CORIN: variants seen among roughly 807,000 people sequenced by gnomAD.
The protein encoded by CORIN is atrial natriuretic peptide-converting enzyme.
In CORIN, 117 loss-of-function variants were observed where a neutral mutation model predicts 125.3. The observed-to-expected ratio is 0.93, with a 90% CI of 0.80 to 1.09. The LOEUF (loss-of-function observed/expected upper bound fraction) is 1.09. Among genes scored for constraint, CORIN ranks in the 50% least tolerant of loss-of-function variants. CORIN has a pLI of 0.00. For synonymous variants in CORIN, 450 were observed against 466.4 expected, an observed-to-expected ratio of 0.96 and a Z score of 0.45; for missense variants, 1,253 against 1,306.7, an observed-to-expected ratio of 0.96 and a Z score of 0.63.
intron 6 of CORIN, among the ~76,000 whole-genome samples, chr4:47,691,473 C>T (rs1038005019): frequency 2.0e-5 from 3 of 152,060 alleles, no homozygotes; most frequent in Admixed American, 6.5e-5. Context: ...AGTCGTAAAA[C>T]ACAAATTTCT....
At chr4:47,732,097 A>C (rs1333385375) in intron 5 of CORIN, among the ~76,000 whole-genome samples, 1 of 152,182 alleles carries the variant, frequency 6.6e-6, no homozygotes, top group Non-Finnish European at 1.5e-5. Flanking sequence ...ATATGTGGCT[A>C]TAAGCAAATA....
At chr4:47,731,310 A>G (rs1165581691) in intron 5 of CORIN, among the ~76,000 whole-genome samples, 2 of 152,192 alleles carry the variant, frequency 1.3e-5, no homozygotes, top group South Asian at 2.1e-4. Flanking sequence ...TGCTGCAAGC[A>G]TACATATGCA....
intron 20 of CORIN, among the ~76,000 whole-genome samples, chr4:47,601,743 A>G (rs563893700): frequency 9.2e-5 from 14 of 152,328 alleles, no homozygotes; most frequent in Middle Eastern, 3.4e-3. Context: ...AGGAGTGGTG[A>G]CAGCATGTCT....
chr4:47,806,866 T>C (rs1434927405), intron 2 of CORIN, 37 bp downstream of exon 2: 10 of 1,579,012 alleles, frequency 6.3e-6, no homozygotes, highest in Non-Finnish European at 8.6e-6. Flanking sequence ...TAATTTTCAC[T>C]TTAACTTCAT....
rs139495398 is a variant in CORIN, at chr4:47,832,282, C to G, written c.63+5605G>C. Among the ~76,000 whole-genome samples the G allele has an allele frequency of 3.8e-3, 586 of 152,254 alleles. 4 individuals are homozygous for G. The highest frequency in any genetic ancestry group is 0.013 in the African/African-American group (559 of 41,550). On this transcript the variant is annotated intron_variant, in intron 1 of 21. Coordinates refer to ENST00000273857, the MANE Select transcript of CORIN (RefSeq NM_006587.4). ...ACTTGTCAGTGATTTATACATCAAT[C>G]TGGCCATTTACTATTCAACAAATGC...
intron 3 of CORIN, among the ~76,000 whole-genome samples, chr4:47,772,501 T>C (rs1185579556): frequency 6.6e-6 from 1 of 152,168 alleles, no homozygotes; most frequent in African/African-American, 2.4e-5. Flanking sequence ...CATCCTAGAG[T>C]TATGAATGAA....
intron 2 of CORIN, among the ~76,000 whole-genome samples, chr4:47,799,106 GGTGTGTGTGTGTGTGTGTGTGTGTGTGT>G (rs764434569): frequency 2.1e-5 from 3 of 141,452 alleles, no homozygotes; most frequent in African/African-American, 7.8e-5. Context: ...TATCCCATGG[GGTGTGTGTGTGTGTGTGTGTGTGTGTGT>G]GTGTGTGTGT....
At chr4:47,734,841 T>C (rs1001832611) in intron 5 of CORIN, among the ~76,000 whole-genome samples, 2 of 152,206 alleles carry the variant, frequency 1.3e-5, no homozygotes, top group South Asian at 4.1e-4. Context: ...ACTCCCCCTG[T>C]TCTCACAGTT....
chr4:47,609,147 A>T (rs1180860905), intron 19 of CORIN, among the ~76,000 whole-genome samples: 1 of 152,200 alleles, frequency 6.6e-6, no homozygotes, highest in East Asian at 1.9e-4. Context: ...CTAAATAAAG[A>T]TATACCACAC....
chr4:47,648,543 C>G (rs1479730452), intron 13 of CORIN, among the ~76,000 whole-genome samples: 1 of 152,136 alleles, frequency 6.6e-6, no homozygotes, highest in Non-Finnish European at 1.5e-5. Context: ...CTGACAGAGG[C>G]AGTACCCCCC....
rs928377248 is a variant in CORIN at position 47,594,357 on chromosome 4, G to A, written c.*1364C>T. The A allele has an allele frequency of 6.6e-6, 1 of 152,574 alleles. No homozygotes were observed. Among genetic ancestry groups the A allele is most frequent in the African/African-American group, 2.4e-5 (1 of 41,440 alleles). The allele number at this position is 152,574 out of a possible 1,614,324, so 9.5% of individuals were successfully genotyped here. ...GCTGAGGCAGTCCAGGTTGCTGGTGGAGGTTAGTAGGGAATCCTAGTTGTT... is the reference window on the plus strand; with the variant it reads ...GCTGAGGCAGTCCAGGTTGCTGGTGAAGGTTAGTAGGGAATCCTAGTTGTT... On this transcript the variant is annotated 3_prime_UTR_variant, in exon 22 of 22. Transcript: ENST00000273857.
chr4:47,735,123 T>G (rs61762917), intron 5 of CORIN, among the ~76,000 whole-genome samples: 12 of 152,370 alleles, frequency 7.9e-5, no homozygotes, highest in Non-Finnish European at 1.5e-4. Context: ...GACTGTATTA[T>G]ATAATAAACA....
chr4:47,704,343 A>C (rs559186844), intron 5 of CORIN, among the ~76,000 whole-genome samples: 185 of 152,320 alleles, frequency 1.2e-3, no homozygotes, highest in African/African-American at 4.1e-3. Flanking sequence ...CCAAGCACTC[A>C]GCAGGGAGGG....
At chr4:47,777,566 G>A (rs1351741636) in intron 3 of CORIN, among the ~76,000 whole-genome samples, 1 of 152,206 alleles carries the variant, frequency 6.6e-6, no homozygotes, top group Non-Finnish European at 1.5e-5. Flanking sequence ...AGGAGGTGGA[G>A]GTTGCAGTGT....
At position 47,784,247 on chromosome 4, in the gene CORIN, T is replaced by C. The variant is rs566064360; in HGVS notation, c.409+2478A>G. Among the ~76,000 whole-genome samples the C allele has an allele frequency of 3.9e-5, 6 of 152,316 alleles. No individual in the cohort carries two copies. In the East Asian group the frequency reaches 1.2e-3, roughly 29 times the overall value. On this transcript the variant is annotated intron_variant, in intron 3 of 21. Coordinates refer to ENST00000273857, the MANE Select transcript of CORIN (RefSeq NM_006587.4). ...TGAAATGTATGGAAAGCTATCCAAT[T>C]TCTTGCAATAAATAATTTTAGTTGA...
chr4:47,727,435 G>T (rs556184867), intron 5 of CORIN, among the ~76,000 whole-genome samples: 1 of 152,140 alleles, frequency 6.6e-6, no homozygotes, highest in South Asian at 2.1e-4. Context: ...TTTAAGGTTA[G>T]TAATTATTTA....
At chr4:47,787,730 T>G (rs1045577921) in intron 2 of CORIN, among the ~76,000 whole-genome samples, 1 of 152,246 alleles carries the variant, frequency 6.6e-6, no homozygotes, top group Non-Finnish European at 1.5e-5. Context: ...ATGCAAAGTT[T>G]GGCACATGCC....
intron 3 of CORIN, among the ~76,000 whole-genome samples, chr4:47,785,909 C>CAAA (rs11313881): frequency 5.0e-5 from 4 of 80,480 alleles, no homozygotes; most frequent in Non-Finnish European, 7.1e-5. Flanking sequence ...GACTCCATCT[C>CAAA]AAAAAAAAAA....
At chr4:47,624,052 A>G in intron 17 of CORIN, 104 bp from the exon 18 acceptor site, 1 of 907,576 alleles carries the variant, frequency 1.1e-6, no homozygotes, top group Non-Finnish European at 1.8e-6. Context: ...TGTTACCACC[A>G]GAAATCACAT....
Sources: gnomAD v4.1 joint callset for allele counts (sites outside exome capture counted in the v4.1 genomes callset) on GRCh38, gnomAD v4.1.1 for gene constraint, MANE v1.5 for transcripts, NCBI Gene and HGNC (gene_info 2026-07-23, HGNC 2026-07-21) for gene names.